Variants in ITSN1 observed in about 807,000 individuals in gnomAD.
ITSN1 encodes intersectin 1.
In ITSN1, 58 loss-of-function variants were observed where a neutral mutation model predicts 239.8. The ratio of observed to expected loss-of-function variants is 0.24; its 90% CI spans 0.20 to 0.30. The LOEUF (loss-of-function observed/expected upper bound fraction) is 0.30. Among genes scored for constraint, ITSN1 ranks in the 10% least tolerant of loss-of-function variants. The probability of loss-of-function intolerance (pLI) is 1.00; values close to 1 mark genes in which losing one functional copy is unlikely to be tolerated. For synonymous variants in ITSN1, 780 were observed against 770.8 expected (o/e 1.01, Z -0.20); for missense variants, 1,558 against 2,103.3 (o/e 0.74, Z 5.07).
chr21:33,879,880 A>G (rs1984620056), intron 34 of ITSN1, among the ~76,000 whole-genome samples: 2 of 152,186 alleles, frequency 1.3e-5, no homozygotes, highest in Admixed American at 6.5e-5. Context: ...GGGTTTCGCC[A>G]TGTTGGCCAG....
At chr21:33,805,468 C>T (rs2072341523) in intron 20 of ITSN1, among the ~76,000 whole-genome samples, 1 of 152,122 alleles carries the variant, frequency 6.6e-6, no homozygotes, top group African/African-American at 2.4e-5. Flanking sequence ...AATATCACTG[C>T]AGTTTTGAGG....
At chr21:33,779,857 A>G (rs936775520) in intron 14 of ITSN1, among the ~76,000 whole-genome samples, 6 of 151,928 alleles carry the variant, frequency 3.9e-5, no homozygotes, top group African/African-American at 1.5e-4. Flanking sequence ...TTTTTGAGAC[A>G]AAGTCTCACT....
At position 33,761,812 on chromosome 21, in the gene ITSN1, A is replaced by G. The variant is rs1403471967; in HGVS notation, c.725-111A>G. 11 of 742,676 alleles carry G rather than the reference A, an allele frequency of 1.5e-5. No individual in the cohort carries two copies. In the Admixed American group the frequency reaches 2.0e-4, roughly 14 times the overall value. The allele number at this position is 742,676 out of a possible 1,614,324, so 46.0% of individuals were successfully genotyped here. On this transcript the variant is annotated intron_variant, in intron 8 of 39. Coordinates refer to ENST00000381318, the MANE Select transcript of ITSN1 (RefSeq NM_003024.3). ...GGTAGTAGCAAATGTTATTTAAAGCATTGTGATTGCATGAGGTCATGGAGT... is the reference window on the plus strand; with the variant it reads ...GGTAGTAGCAAATGTTATTTAAAGCGTTGTGATTGCATGAGGTCATGGAGT...
At chr21:33,726,898 C>T (rs755393674) in intron 4 of ITSN1, among the ~76,000 whole-genome samples, 9 of 152,324 alleles carry the variant, frequency 5.9e-5, no homozygotes, top group Non-Finnish European at 8.8e-5. Context: ...TTGTTCTGGA[C>T]TTTGTTTCAA....
intron 4 of ITSN1, among the ~76,000 whole-genome samples, chr21:33,730,514 C>T (rs2066111918): frequency 6.8e-6 from 1 of 147,338 alleles, no homozygotes; most frequent in Non-Finnish European, 1.5e-5. Context: ...CAACTCTCTG[C>T]CTCAGCCTCC....
chr21:33,718,674 T>C, intron 1 of ITSN1, 123 bp from the exon 2 acceptor site: 1 of 687,314 alleles, frequency 1.5e-6, no homozygotes, highest in Non-Finnish European at 2.6e-6. Context: ...AATTCCTTAA[T>C]TGTAGAGCTA....
intron 8 of ITSN1, among the ~76,000 whole-genome samples, chr21:33,758,760 C>T (rs1028433225): frequency 1.3e-5 from 2 of 152,302 alleles, no homozygotes; most frequent in African/African-American, 2.4e-5. Flanking sequence ...TTACTCTCTC[C>T]TTTCTAGCCA....
intron 29 of ITSN1, among the ~76,000 whole-genome samples, chr21:33,846,639 G>A (rs529779416): frequency 6.6e-6 from 1 of 152,338 alleles, no homozygotes; most frequent in East Asian, 1.9e-4. Flanking sequence ...TGCTCAGGAA[G>A]TGCTGTGGCA....
chr21:33,713,168 G>A (rs1409075852), intron 1 of ITSN1, among the ~76,000 whole-genome samples: 3 of 151,916 alleles, frequency 2.0e-5, no homozygotes, highest in Non-Finnish European at 4.4e-5. Flanking sequence ...GGGAGCCACC[G>A]TGCCTGACCA....
chr21:33,888,718 G>GATC lies in ITSN1; in HGVS notation c.*418_*419insATC. On this transcript the variant is annotated 3_prime_UTR_variant, in exon 40 of 40. Coordinates refer to ENST00000381318, the MANE Select transcript of ITSN1 (RefSeq NM_003024.3). Reference sequence around the variant, plus strand: ...GTTTCTTACATCCACCAGTCCCCAAGTAGACTTCTTGGCCTACAATGCCCA... The same window carrying GATC: ...GTTTCTTACATCCACCAGTCCCCAAGATCTAGACTTCTTGGCCTACAATGCCCA... The GATC allele has an allele frequency of 6.5e-6, 1 of 154,940 alleles. No homozygotes were observed. The highest frequency in any genetic ancestry group is 1.4e-5 in the Non-Finnish European group (1 of 69,856). The allele number at this position is 154,940 out of a possible 1,614,324, so 9.6% of individuals were successfully genotyped here.
chr21:33,790,314 C>G (rs2071013828), intron 16 of ITSN1, among the ~76,000 whole-genome samples: 1 of 135,866 alleles, frequency 7.4e-6, no homozygotes, highest in Non-Finnish European at 1.7e-5. Context: ...AGTATATATA[C>G]TACACATTTT....
chr21:33,710,200 T>C (rs1568993805), intron 1 of ITSN1, among the ~76,000 whole-genome samples: 1 of 151,954 alleles, frequency 6.6e-6, no homozygotes, highest in Non-Finnish European at 1.5e-5. Context: ...TGCCTCAGCT[T>C]CCCGAGTAGC....
At chr21:33,846,428 T>C (rs555236577) in intron 29 of ITSN1, among the ~76,000 whole-genome samples, 44 of 152,348 alleles carry the variant, frequency 2.9e-4, no homozygotes, top group African/African-American at 1.0e-3. Flanking sequence ...TGTGAGCTCC[T>C]TGGAGGCAGG....
intron 4 of ITSN1, among the ~76,000 whole-genome samples, chr21:33,724,872 C>A (rs1238492406): frequency 1.3e-5 from 2 of 152,012 alleles, no homozygotes; most frequent in African/African-American, 4.8e-5. Context: ...CCATGCTGGT[C>A]TCGAACTCCT....
intron 17 of ITSN1, among the ~76,000 whole-genome samples, chr21:33,796,153 G>A (rs368801098): frequency 6.6e-6 from 1 of 151,832 alleles, no homozygotes; most frequent in Non-Finnish European, 1.5e-5. Context: ...TAGTAGAGAT[G>A]GGGTTTCACC....
chr21:33,725,482 CT>C (rs2065775940), intron 4 of ITSN1, among the ~76,000 whole-genome samples: 5 of 152,058 alleles, frequency 3.3e-5, no homozygotes, highest in Non-Finnish European at 5.9e-5. Context: ...TGCCTGTAGT[CT>C]TAGCTGCTAG....
intron 14 of ITSN1, among the ~76,000 whole-genome samples, chr21:33,775,753 T>C (rs535604843): frequency 2.6e-5 from 4 of 152,300 alleles, no homozygotes; most frequent in African/African-American, 9.6e-5. Flanking sequence ...GGCTTTACTG[T>C]GGTAATTACA....
chr21:33,867,508 C>T (rs1398466592), intron 33 of ITSN1, among the ~76,000 whole-genome samples, 177 bp downstream of exon 33: 1 of 151,920 alleles, frequency 6.6e-6, no homozygotes, highest in South Asian at 2.1e-4. Flanking sequence ...TGGTTTATCA[C>T]GCAAAGAGCT....
chr21:33,714,617 A>C (rs1277884534), intron 1 of ITSN1, among the ~76,000 whole-genome samples: 1 of 37,478 alleles, frequency 2.7e-5, no homozygotes, highest in African/African-American at 1.1e-4. Context: ...TAAGGCATAA[A>C]ATTATTATAT....
Sources: gnomAD v4.1 joint callset for allele counts (sites outside exome capture counted in the v4.1 genomes callset) on GRCh38, gnomAD v4.1.1 for gene constraint, MANE v1.5 for transcripts, NCBI Gene and HGNC (gene_info 2026-07-23, HGNC 2026-07-21) for gene names.